EEF1A2: variants seen among roughly 807,000 people sequenced by gnomAD.
The protein encoded by EEF1A2 is elongation factor 1-alpha 2.
Under a neutral mutation model 39.3 loss-of-function variants are expected in EEF1A2, and 5 were observed. The ratio of observed to expected loss-of-function variants is 0.13; its 90% CI spans 0.07 to 0.27. The LOEUF (loss-of-function observed/expected upper bound fraction) is 0.27, where lower values mean the gene tolerates loss of function less well. EEF1A2 is among the 10% of genes least tolerant of loss of function. EEF1A2 has a pLI of 1.00. For synonymous variants in EEF1A2, 287 were observed against 293.7 expected (o/e 0.98, Z 0.23); for missense variants, 218 against 681.4 (o/e 0.32, Z 7.57).
intron 4 of EEF1A2, among the ~76,000 whole-genome samples, chr20:63,494,523 T>A (rs1020774029): frequency 3.9e-5 from 6 of 152,214 alleles, no homozygotes; most frequent in Non-Finnish European, 7.4e-5. Flanking sequence ...CACATGGGCC[T>A]GGTGCTGGAG....
At chr20:63,488,480 C>G (rs2082363175) in intron 7 of EEF1A2, 55 bp from the exon 8 acceptor site, 4 of 1,343,082 alleles carry the variant, frequency 3.0e-6, no homozygotes, top group Non-Finnish European at 3.8e-6. Context: ...CCCCCCCCAA[C>G]CCCAGGGCTC....
At chr20:63,489,222 C>T in intron 6 of EEF1A2, 70 bp from the exon 7 acceptor site, 1 of 1,491,314 alleles carries the variant, frequency 6.7e-7, no homozygotes. Flanking sequence ...CAGAGCGGGG[C>T]TGGGAGGCCC....
At chr20:63,492,386 G>GGGGGGAGA (rs2082389237) in intron 5 of EEF1A2, among the ~76,000 whole-genome samples, 1 of 123,538 alleles carries the variant, frequency 8.1e-6, no homozygotes, top group Non-Finnish European at 1.7e-5. Context: ...GGATGGATGG[G>GGGGGGAGA]TGGGTAGATG....
At chr20:63,496,286 C>T (rs1320221191) in intron 2 of EEF1A2, 10 of 543,668 alleles carry the variant, frequency 1.8e-5, no homozygotes, top group Non-Finnish European at 3.0e-5. Flanking sequence ...CAGCAGGTGG[C>T]GCAAGGGCCT....
Position 63,488,200 on chromosome 20 carries a change from G to A in EEF1A2, c.*98C>T. The A allele has an allele frequency of 1.2e-6, 1 of 817,178 alleles. No homozygotes were observed. Among genetic ancestry groups the A allele is most frequent in the Non-Finnish European group, 1.5e-6 (1 of 685,370 alleles). 50.6% of individuals were successfully genotyped at this position (817,178 alleles called of 1,614,324 possible). A position where few individuals can be genotyped will look rare whatever the true frequency, so the allele number is the denominator to read the frequency against. On this transcript the variant is annotated 3_prime_UTR_variant, in exon 8 of 8. Coordinates refer to ENST00000217182, the MANE Select transcript of EEF1A2 (RefSeq NM_001958.5). The stretch of plus-strand genomic sequence containing the variant: ...CATGCGCCTGGCGGGGGTGCGGGGC[G>A]CCGGACCGGCGCGCGGGGCGGGGGC...
chr20:63,488,188 G>C lies in EEF1A2; in HGVS notation c.*110C>G. On this transcript the variant is annotated 3_prime_UTR_variant, in exon 8 of 8. Coordinates refer to ENST00000217182, the MANE Select transcript of EEF1A2 (RefSeq NM_001958.5). ...CGGAGGTGCAGACATGCGCCTGGCG[G>C]GGGTGCGGGGCGCCGGACCGGCGCG... 1 of 692,948 alleles carries C rather than the reference G, an allele frequency of 1.4e-6. No homozygotes were observed. Among genetic ancestry groups the C allele is most frequent in the Non-Finnish European group, 1.8e-6 (1 of 566,906 alleles). The allele number at this position is 692,948 out of a possible 1,614,324, so 42.9% of individuals were successfully genotyped here. A position where few individuals can be genotyped will look rare whatever the true frequency, so the allele number is the denominator to read the frequency against.
rs6122128 is a variant in EEF1A2, at chr20:63,497,382, T to C, written c.144+238A>G. On this transcript the variant is annotated intron_variant, in intron 2 of 7. Coordinates refer to ENST00000217182, the MANE Select transcript of EEF1A2 (RefSeq NM_001958.5). This position sits in a 1 kb window ranked among gnomAD's most constrained non-coding sequence, Gnocchi z 7.3. ...TGCAGACCCTCCCAGGTCACCTCCC[T>C]CACCACAGGGCAAGTCCGGCAGCTC... 0.14 allele frequency: 69,406 copies of C among 511,588 alleles called. 7,200 individuals are homozygous for C. Among genetic ancestry groups the C allele is most frequent in the East Asian group, 0.48 (12,475 of 26,040 alleles). The allele number at this position is 511,588 out of a possible 1,614,324, so 31.7% of individuals were successfully genotyped here.
In EEF1A2 at chr20:63,496,132, C is replaced by T. The variant is rs2082415488; in HGVS notation, c.145-97G>A. On this transcript the variant is annotated intron_variant, in intron 2 of 7. Transcript: ENST00000217182. ...GTTACAGCAGAGTGGCCGCGAGAGG[C>T]GGGAGATGGGCTCCAGCACCCCCTT... The T allele has an allele frequency of 3.6e-5, 52 of 1,429,126 alleles. 1 individual carries two copies. The South Asian group carries it at 6.2e-4, about 17-fold the overall frequency. 88.5% of individuals were successfully genotyped at this position (1,429,126 alleles called of 1,614,324 possible).
intron 5 of EEF1A2, among the ~76,000 whole-genome samples, chr20:63,492,445 AATGGATGGATGG>A (rs200488738): frequency 2.3e-5 from 2 of 88,336 alleles, no homozygotes; most frequent in South Asian, 3.9e-4. Flanking sequence ...TGGTTGAGAC[AATGGATGGATGG>A]ATGGATGGAT....
At chr20:63,492,390 G>GGAGATGGGGAGA (rs769905403) in intron 5 of EEF1A2, among the ~76,000 whole-genome samples, 1 of 129,660 alleles carries the variant, frequency 7.7e-6, no homozygotes, top group Non-Finnish European at 1.6e-5. Flanking sequence ...GGATGGGTGG[G>GGAGATGGGGAGA]TAGATGGATG....
At chr20:63,489,233 A>T (rs2082367273) in intron 6 of EEF1A2, 81 bp from the exon 7 acceptor site, 1 of 1,408,376 alleles carries the variant, frequency 7.1e-7, no homozygotes, top group African/African-American at 1.4e-5. Flanking sequence ...TGGGAGGCCC[A>T]GTCACCGGCG....
At chr20:63,495,166 C>G in intron 3 of EEF1A2, 65 bp from the exon 4 acceptor site, 1 of 1,562,954 alleles carries the variant, frequency 6.4e-7, no homozygotes. Context: ...GCGAGCCTGG[C>G]CCCACCTCAC....
chr20:63,497,820 G>A lies in EEF1A2; in HGVS notation c.-57C>T. 1 of 1,574,046 alleles carries A rather than the reference G, an allele frequency of 6.4e-7. No homozygotes were observed. Among genetic ancestry groups the A allele is most frequent in the Non-Finnish European group, 8.6e-7 (1 of 1,159,586 alleles). On this transcript the variant is annotated 5_prime_UTR_variant, in exon 2 of 8. Transcript: ENST00000217182. The surrounding 1 kb of genome is among the most constrained non-coding windows in gnomAD (Gnocchi z 7.3). ...CGGGGTGCTCTGGCTCAGGGCGAGG[G>A]GGGCTGCAGTGATTCTGTGGGGCCA...
rs752535872 is a variant in EEF1A2, at chr20:63,488,460, G to A, written c.1265-35C>T. ...GGGGGGCGGCGTGTGGGCGGGGCCG[G>A]AGGACTTGACCCCCCCCAACCCCAG... is the stretch of plus-strand genomic sequence containing the variant. On this transcript the variant is annotated intron_variant, in intron 7 of 7. Transcript: ENST00000217182. The A allele has an allele frequency of 9.3e-4, 1,290 of 1,394,298 alleles. 1 individual carries two copies. Among genetic ancestry groups the A allele is most frequent in the Non-Finnish European group, 1.1e-3 (1,207 of 1,076,772 alleles). 86.4% of individuals were successfully genotyped at this position (1,394,298 alleles called of 1,614,324 possible).
chr20:63,489,896 T>C (rs1176233923), intron 6 of EEF1A2, among the ~76,000 whole-genome samples: 1 of 152,204 alleles, frequency 6.6e-6, no homozygotes, highest in Non-Finnish European at 1.5e-5. Flanking sequence ...AAAGCGTTTT[T>C]CTAGGACGAA....
intron 7 of EEF1A2, 133 bp from the exon 8 acceptor site, chr20:63,488,558 G>A (rs1287910193): frequency 8.1e-7 from 1 of 1,230,740 alleles, no homozygotes; most frequent in African/African-American, 1.6e-5. Context: ...GCGCGCCCCT[G>A]TGAAGACGGC....
chr20:63,488,535 C>G, intron 7 of EEF1A2, 110 bp from the exon 8 acceptor site: 3 of 1,300,012 alleles, frequency 2.3e-6, no homozygotes, highest in South Asian at 1.8e-5. Context: ...CCTCGGAACA[C>G]GCTTAGCGCA....
intron 2 of EEF1A2, chr20:63,496,307 C>T (rs2082416693): frequency 9.9e-6 from 5 of 505,260 alleles, no homozygotes; most frequent in Non-Finnish European, 1.8e-5. Flanking sequence ...GGGAGTCGCT[C>T]GCTCTACGAG....
intron 7 of EEF1A2, 44 bp from the exon 8 acceptor site, chr20:63,488,469 A>G: frequency 2.2e-6 from 3 of 1,336,272 alleles, no homozygotes; most frequent in South Asian, 1.7e-5. Flanking sequence ...GGAGGACTTG[A>G]CCCCCCCCAA....
Sources: gnomAD v4.1 joint callset for allele counts (sites outside exome capture counted in the v4.1 genomes callset) on GRCh38, gnomAD v4.1.1 for gene constraint, Gnocchi (gnomAD v3.1) non-coding constraint, MANE v1.5 for transcripts, NCBI Gene and HGNC (gene_info 2026-07-23, HGNC 2026-07-21) for gene names.